The following PPL variants were observed in gnomAD, a reference collection of about 807,000 sequenced individuals.
PPL encodes the protein periplakin.
PPL carries 198 observed loss-of-function variants against 194.4 expected under a neutral mutation model. That is an observed-to-expected ratio of 1.02 (90% CI 0.91 to 1.15). PPL has a LOEUF of 1.15. Ranked by LOEUF, PPL falls within the 50% of genes most tolerant of loss-of-function variation. The pLI is 0.00. For synonymous variants in PPL, 1,220 were observed against 972.4 expected (o/e 1.25, Z -4.74); for missense variants, 2,885 against 2,294.8 (o/e 1.26, Z -5.25).
chr16:4,933,760 T>C (rs951156819), intron 1 of PPL, among the ~76,000 whole-genome samples: 1 of 152,028 alleles, frequency 6.6e-6, no homozygotes, highest in Non-Finnish European at 1.5e-5. Context: ...TGCAGGGAGG[T>C]TGTCCACGTC....
At chr16:4,890,463 G>A (rs1346089497) in intron 17 of PPL, 129 bp from the exon 18 acceptor site, 12 of 1,248,826 alleles carry the variant, frequency 9.6e-6, no homozygotes, top group African/African-American at 3.0e-5. Context: ...TCCCACACAG[G>A]GTGGGTGGTC....
At chr16:4,916,045 C>G (rs2088910322) in intron 1 of PPL, among the ~76,000 whole-genome samples, 2 of 152,106 alleles carry the variant, frequency 1.3e-5, no homozygotes, top group Admixed American at 1.3e-4. Context: ...ATAAAAAAGA[C>G]AATAACAAGT....
At chr16:4,918,061 G>A (rs575625339) in intron 1 of PPL, among the ~76,000 whole-genome samples, 10 of 151,922 alleles carry the variant, frequency 6.6e-5, no homozygotes, top group Admixed American at 3.3e-4. Flanking sequence ...GGGAGGCTGA[G>A]TCGGGCAGAT....
chr16:4,891,712 G>A lies in PPL; in HGVS notation c.1968+99C>T, dbSNP rs929066854. 5.6e-6 allele frequency: 8 copies of A among 1,439,392 alleles called. No homozygotes were observed. In the Admixed American group the frequency reaches 1.7e-4, roughly 30 times the overall value. 89.2% of individuals were successfully genotyped at this position (1,439,392 alleles called of 1,614,324 possible). On this transcript the variant is annotated intron_variant, in intron 16 of 21. Transcript: ENST00000345988. ...TGGGCATTCCAAACCTGGGGAGACT[G>A]GATGCTGGTGTCCTCATCTATCCAG...
Position 4,888,172 on chromosome 16 carries a change from T to TC in PPL, c.2443dup (p.Glu815GlyfsTer34). 1 of 1,613,836 alleles carries TC rather than the reference T, an allele frequency of 6.2e-7. No homozygotes were observed. The highest frequency in any genetic ancestry group is 2.2e-5 in the East Asian group (1 of 44,874). ...GCTCACGTGGCTTCTCCTTCCATTC[T>TC]CCAAGTCGAGAAGAGACCTTAGTTT... is the stretch of plus-strand genomic sequence containing the variant. On this transcript the variant is annotated frameshift_variant, in exon 20 of 22. Coordinates refer to ENST00000345988, the MANE Select transcript of PPL (RefSeq NM_002705.5). LOFTEE classifies it high-confidence loss of function.
intron 16 of PPL, chr16:4,891,608 A>ACC (rs2088320612): frequency 1.7e-6 from 1 of 580,682 alleles, no homozygotes; most frequent in East Asian, 3.1e-5. Flanking sequence ...AAATGCTGGC[A>ACC]CCCGAAATCC....
Position 4,883,537 on chromosome 16 carries a change from C to G in PPL, c.5118G>C (p.Glu1706Asp), listed in dbSNP as rs1005919893. 2 of 1,614,096 alleles carry G rather than the reference C, an allele frequency of 1.2e-6. No individual in the cohort carries two copies. Among genetic ancestry groups the G allele is most frequent in the African/African-American group, 2.7e-5 (2 of 74,946 alleles). Residue 1706 changes from glutamate to aspartate, a missense_variant, in exon 22 of 22, where the codon GAG becomes GAC. Coordinates refer to ENST00000345988, the MANE Select transcript of PPL (RefSeq NM_002705.5). This position sits in a 1 kb window ranked among gnomAD's most constrained non-coding sequence, Gnocchi z 4.8. ...EEISVKGPNG[E>D]SSVIHDRKSG... ...ACTTCCTGTCGTGTATCACTGAGGA[C>G]TCCCCATTGGGACCCTTCACTGAGA...
At chr16:4,911,080 G>T in intron 1 of PPL, 131 bp from the exon 2 acceptor site, 2 of 678,882 alleles carry the variant, frequency 2.9e-6, no homozygotes, top group South Asian at 1.8e-5. Context: ...AGCCTTTGAG[G>T]TAGTTGGGCT....
Position 4,890,722 on chromosome 16 carries a change from C to G in PPL, c.2162+6G>C. 2 of 1,601,618 alleles carry G rather than the reference C, an allele frequency of 1.2e-6. No homozygotes were observed. The highest frequency in any genetic ancestry group is 1.7e-6 in the Non-Finnish European group (2 of 1,174,502). On this transcript the variant is annotated splice_donor_region_variant and intron_variant, in intron 17 of 21. Coordinates refer to ENST00000345988, the MANE Select transcript of PPL (RefSeq NM_002705.5). ...CAAAAATGGCCACCACCCACCGCAC[C>G]CTCACCTGCGTTCCACCTGCTGGCG...
In PPL at chr16:4,893,335, C is replaced by T. The variant is rs1300854884; in HGVS notation, c.1528G>A (p.Gly510Ser). ...SDLQGRQLLAGLDKVASDLDR... is the reference protein window; with the variant it reads ...SDLQGRQLLASLDKVASDLDR... Reference sequence around the variant, plus strand: ...AGGTCGCTGGCCACCTTGTCCAAGCCAGCCAGCAGCTGCCGCCCCTGTAGG... The same window carrying T: ...AGGTCGCTGGCCACCTTGTCCAAGCTAGCCAGCAGCTGCCGCCCCTGTAGG... The change falls in exon 14 of 22, where the codon GGC (glycine) becomes AGC (serine). Residue 510 changes from glycine to serine, a missense_variant. Transcript: ENST00000345988. 6.2e-7 allele frequency: 1 copy of T among 1,608,422 alleles called. No homozygotes were observed. Among genetic ancestry groups the T allele is most frequent in the Non-Finnish European group, 8.5e-7 (1 of 1,179,782 alleles).
intron 1 of PPL, among the ~76,000 whole-genome samples, chr16:4,912,824 C>A (rs2088844270): frequency 6.6e-6 from 1 of 152,202 alleles, no homozygotes; most frequent in African/African-American, 2.4e-5. Context: ...AGACTTGAGG[C>A]CCGGTGTGGT....
chr16:4,887,034 G>A, intron 21 of PPL, 101 bp downstream of exon 21: 2 of 1,000,574 alleles, frequency 2.0e-6, no homozygotes, highest in Non-Finnish European at 1.6e-6. Context: ...GTTAGCAAGG[G>A]GACACTTCCA....
chr16:4,936,044 A>G (rs960684853), intron 1 of PPL, among the ~76,000 whole-genome samples: 1 of 152,174 alleles, frequency 6.6e-6, no homozygotes, highest in African/African-American at 2.4e-5. Flanking sequence ...CCCTCCGTCA[A>G]TCTCAGCATC....
rs1443385043 is a variant in PPL at position 4,884,412 on chromosome 16, C to A, written c.4243G>T (p.Glu1415Ter). 6.2e-7 allele frequency: 1 copy of A among 1,605,036 alleles called. No homozygotes were observed. Among genetic ancestry groups the A allele is most frequent in the African/African-American group, 1.3e-5 (1 of 74,478 alleles). ...AACCGCTGTACCTCGCGCTCGGCCT[C>A]CCTGCGGGCCTGCCGCTCGCGCTCT... ...ELERERQARR[E>*]AEREVQRLQQ... Residue 1415 changes from glutamate (E) to a stop codon, truncating the protein, a stop_gained, in exon 22 of 22, where the codon GAG (glutamate) becomes TAG (stop). Transcript: ENST00000345988. LOFTEE classifies it high-confidence loss of function. This position sits in a 1 kb window ranked among gnomAD's most constrained non-coding sequence, Gnocchi z 5.7.
rs770584796 is a variant in PPL at position 4,892,094 on chromosome 16, C to T, written c.1770G>A (p.Val590=). 6.2e-7 allele frequency: 1 copy of T among 1,613,832 alleles called. No homozygotes were observed. The highest frequency in any genetic ancestry group is 1.7e-5 in the Admixed American group (1 of 60,026). ...GCTCGTATTTCCGGTTGGTGTCCTCCACCCGGGTCCTCAGCAGGGGTGTGG... is the reference window on the plus strand; with the variant it reads ...GCTCGTATTTCCGGTTGGTGTCCTCTACCCGGGTCCTCAGCAGGGGTGTGG... ...SGTTPLLRTR[V]EDTNRKYEHL... The change falls in exon 15 of 22, where the codon GTG becomes GTA. Residue 590 remains valine (V), a synonymous_variant. Coordinates refer to ENST00000345988, the MANE Select transcript of PPL (RefSeq NM_002705.5).
At chr16:4,923,490 G>C (rs1420064337) in intron 1 of PPL, among the ~76,000 whole-genome samples, 2 of 152,194 alleles carry the variant, frequency 1.3e-5, no homozygotes, top group Admixed American at 1.3e-4. Context: ...CCAGCCATCA[G>C]CGACCTGGAA....
chr16:4,911,045 C>A, intron 1 of PPL, 96 bp from the exon 2 acceptor site: 1 of 992,894 alleles, frequency 1.0e-6, no homozygotes. Flanking sequence ...CCCGGCCCCA[C>A]GCTCTGAGCA....
rs377755478 is a variant in PPL at position 4,918,154 on chromosome 16, A to G, written c.63-7205T>C. 3.3e-5 allele frequency among the ~76,000 whole-genome samples: 5 copies of G among 151,962 alleles called. No individual in the cohort carries two copies. The South Asian group carries it at 6.2e-4, about 19-fold the overall frequency. On this transcript the variant is annotated intron_variant, in intron 1 of 21. Transcript: ENST00000345988. ...CTAAAAACACAAAAATTAGCCAGGCATGATGGCAGGTACCTGTAATCCCAG... is the reference window on the plus strand; with the variant it reads ...CTAAAAACACAAAAATTAGCCAGGCGTGATGGCAGGTACCTGTAATCCCAG...
intron 14 of PPL, chr16:4,892,646 A>T (rs972380296): frequency 1.2e-4 from 21 of 168,956 alleles, no homozygotes; most frequent in African/African-American, 4.8e-4. Flanking sequence ...CTTGGCTCTC[A>T]CTCTGAGGCC....
Sources: allele counts gnomAD v4.1 joint callset (sites outside exome capture counted in the v4.1 genomes callset), GRCh38; gene constraint gnomAD v4.1.1; non-coding constraint Gnocchi (gnomAD v3.1); transcripts MANE v1.5; gene names NCBI Gene and HGNC (gene_info 2026-07-23, HGNC 2026-07-21).